PCDHA12: variants seen among roughly 807,000 people sequenced by gnomAD.
PCDHA12 encodes protocadherin alpha 12.
Under a neutral mutation model 60.0 loss-of-function variants are expected in PCDHA12, and 44 were observed. The ratio of observed to expected loss-of-function variants is 0.73; its 90% CI spans 0.58 to 0.94. The LOEUF is 0.94. Among genes scored for constraint, PCDHA12 ranks in the 40% least tolerant of loss-of-function variants. The pLI, the probability that PCDHA12 is intolerant of heterozygous loss-of-function variation, is 0.00. For missense variants in PCDHA12, 1,276 were observed against 1,239.7 expected, an observed-to-expected ratio of 1.03 and a Z score of -0.44; for synonymous variants, 569 against 553.0, an observed-to-expected ratio of 1.03 and a Z score of -0.40.
chr5:140,906,999 G>C (rs187849442), intron 1 of PCDHA12, among the ~76,000 whole-genome samples: 1 of 152,088 alleles, frequency 6.6e-6, no homozygotes, highest in Non-Finnish European at 1.5e-5. Flanking sequence ...TCCTCCCTCT[G>C]GAACTAAGAC....
At chr5:140,889,503 C>G (rs2062252341) in intron 1 of PCDHA12, among the ~76,000 whole-genome samples, 2 of 151,950 alleles carry the variant, frequency 1.3e-5, no homozygotes, top group Admixed American at 1.3e-4. Context: ...AGTGATATTT[C>G]CCTTTCCATT....
intron 1 of PCDHA12, chr5:140,882,793 C>T (rs1176435531): frequency 1.9e-6 from 3 of 1,614,210 alleles, no homozygotes; most frequent in Non-Finnish European, 2.5e-6. Context: ...TGGATCCCAA[C>T]GATTATTTCA....
intron 1 of PCDHA12, among the ~76,000 whole-genome samples, chr5:140,962,807 C>T (rs1463442901): frequency 5.3e-5 from 8 of 152,220 alleles, no homozygotes; most frequent in Non-Finnish European, 1.0e-4. Flanking sequence ...CAACTCTAAA[C>T]ATCAGAGATG....
chr5:140,927,670 C>A lies in PCDHA12; in HGVS notation c.2367+49831C>A, dbSNP rs1006141153. ...GTTATTCCGAGTTCAAGCCTTGGATCCAGATGAAGGGTCCAATGGGGAAGT... is the reference window on the plus strand; with the variant it reads ...GTTATTCCGAGTTCAAGCCTTGGATACAGATGAAGGGTCCAATGGGGAAGT... On this transcript the variant is annotated intron_variant, in intron 1 of 3. Transcript: ENST00000398631. 2.5e-6 allele frequency: 4 copies of A among 1,614,166 alleles called. No homozygotes were observed. The highest frequency in any genetic ancestry group is 3.4e-6 in the Non-Finnish European group (4 of 1,180,028).
In PCDHA12 at chr5:140,982,557, A is replaced by G. The variant is rs199851685; in HGVS notation, c.2509A>G (p.Thr837Ala). 6.2e-7 allele frequency: 1 copy of G among 1,614,138 alleles called. No homozygotes were observed. The highest frequency in any genetic ancestry group is 1.7e-5 in the Admixed American group (1 of 60,030). The change falls in exon 3 of 4, where the codon ACA becomes GCA. Residue 837 changes from threonine (T) to alanine (A), a missense_variant. Physicochemically the swap from Thr to Ala is moderately conservative, Grantham distance 58. Transcript: ENST00000398631. ...GCAGTGGCCAACAGTATCCAGTGCAACACCAGGTAAAGAGCTGGGGTCTCT... is the reference window on the plus strand; with the variant it reads ...GCAGTGGCCAACAGTATCCAGTGCAGCACCAGGTAAAGAGCTGGGGTCTCT... Reference protein sequence around the residue: ...DQQWPTVSSATPEPEAGEVSP... With the variant: ...DQQWPTVSSAAPEPEAGEVSP...
chr5:140,903,402 G>T (rs1293264385), intron 1 of PCDHA12, among the ~76,000 whole-genome samples: 6 of 152,192 alleles, frequency 3.9e-5, no homozygotes, highest in Non-Finnish European at 5.9e-5. Context: ...AAACAGTAGT[G>T]CAGTCAGGAA....
At chr5:140,880,958 G>T (rs1208694420) in intron 1 of PCDHA12, among the ~76,000 whole-genome samples, 1 of 152,010 alleles carries the variant, frequency 6.6e-6, no homozygotes, top group African/African-American at 2.4e-5. Flanking sequence ...GGATGATGAG[G>T]GTAAGAGAAT....
intron 1 of PCDHA12, chr5:140,927,826 G>T (rs782694866): frequency 2.5e-6 from 4 of 1,614,076 alleles, no homozygotes; most frequent in Middle Eastern, 3.3e-4. Flanking sequence ...ATACATTGAG[G>T]CGAGGGACGA....
At chr5:140,991,716 A>G (rs1287772391) in intron 3 of PCDHA12, among the ~76,000 whole-genome samples, 1 of 152,164 alleles carries the variant, frequency 6.6e-6, no homozygotes, top group East Asian at 1.9e-4. Flanking sequence ...TATTGCTACT[A>G]GCAGCCTGTT....
chr5:140,941,241 T>TTCTTTCTTTC (rs2092943774), intron 1 of PCDHA12, among the ~76,000 whole-genome samples: 1 of 140,458 alleles, frequency 7.1e-6, no homozygotes, highest in African/African-American at 2.7e-5. Flanking sequence ...CTTTCTTTCT[T>TTCTTTCTTTC]TCTTTCTTTC....
rs1554170045 is a variant in PCDHA12 at position 140,877,729 on chromosome 5, C to G, written c.2257C>G (p.Gln753Glu). Residue 753 changes from glutamine (Q) to glutamate (E), a missense_variant, in exon 1 of 4, where the codon CAG (glutamine) becomes GAG (glutamate). Coordinates refer to ENST00000398631, the MANE Select transcript of PCDHA12 (RefSeq NM_018903.4). Reference sequence around the variant, plus strand: ...CGTGGGGAGTTGGTCTTACTCGCAGCAGAGGAGGCAGAGGGTGTGCTCTGC... The same window carrying G: ...CGTGGGGAGTTGGTCTTACTCGCAGGAGAGGAGGCAGAGGGTGTGCTCTGC... Reference protein sequence around the residue: ...SAVGSWSYSQQRRQRVCSAES... With the variant: ...SAVGSWSYSQERRQRVCSAES... 2 of 1,614,168 alleles carry G rather than the reference C, an allele frequency of 1.2e-6. No homozygotes were observed. Among genetic ancestry groups the G allele is most frequent in the South Asian group, 2.2e-5 (2 of 91,086 alleles).
chr5:140,907,558 A>G (rs2073449629), intron 1 of PCDHA12, among the ~76,000 whole-genome samples: 1 of 152,186 alleles, frequency 6.6e-6, no homozygotes, highest in Non-Finnish European at 1.5e-5. Flanking sequence ...GGTCCAATAT[A>G]ATCAACTTGC....
At chr5:140,896,517 A>G (rs1300184594) in intron 1 of PCDHA12, among the ~76,000 whole-genome samples, 1 of 149,680 alleles carries the variant, frequency 6.7e-6, no homozygotes, top group African/African-American at 2.5e-5. Flanking sequence ...GGCACACACC[A>G]CAAAGCCCAG....
intron 3 of PCDHA12, among the ~76,000 whole-genome samples, chr5:141,007,112 G>A (rs1554261059): frequency 6.6e-6 from 1 of 152,170 alleles, no homozygotes; most frequent in African/African-American, 2.4e-5. Flanking sequence ...ACCCAAGGAA[G>A]CTTCAACACA....
At chr5:140,967,519 C>T (rs147791062) in intron 1 of PCDHA12, 1 of 1,612,804 alleles carries the variant, frequency 6.2e-7, no homozygotes, top group Non-Finnish European at 8.5e-7. Flanking sequence ...TGGACACTAA[C>T]GACAACTCTC....
At chr5:140,879,805 A>T (rs992856039) in intron 1 of PCDHA12, among the ~76,000 whole-genome samples, 2 of 152,128 alleles carry the variant, frequency 1.3e-5, no homozygotes, top group Non-Finnish European at 1.5e-5. Context: ...TCCAGTTTCT[A>T]TTGGCTGTTG....
chr5:140,882,061 G>GT, intron 1 of PCDHA12: 1 of 816,902 alleles, frequency 1.2e-6, no homozygotes, highest in Non-Finnish European at 1.9e-6. Flanking sequence ...ACACTTACAC[G>GT]TTCATGCGCA....
At chr5:141,009,455 A>G in intron 3 of PCDHA12, 172 bp from the exon 4 acceptor site, 1 of 946,862 alleles carries the variant, frequency 1.1e-6, no homozygotes, top group Non-Finnish European at 1.3e-6. Flanking sequence ...AAAAAATTAA[A>G]CAAATAAATA....
chr5:140,957,222 G>A (rs537549328), intron 1 of PCDHA12, among the ~76,000 whole-genome samples: 1 of 152,182 alleles, frequency 6.6e-6, no homozygotes, highest in East Asian at 1.9e-4. Context: ...AAAATTTGGC[G>A]AAGCATTTTG....
Sources: gnomAD v4.1 joint callset for allele counts (sites outside exome capture counted in the v4.1 genomes callset) on GRCh38, gnomAD v4.1.1 for gene constraint, MANE v1.5 for transcripts, NCBI Gene and HGNC (gene_info 2026-07-23, HGNC 2026-07-21) for gene names.